Variants in REPS1 observed in about 807,000 individuals in gnomAD.
REPS1 encodes ralBP1-associated Eps domain-containing protein 1.
Under a neutral mutation model 100.9 loss-of-function variants are expected in REPS1, and 39 were observed. The observed-to-expected ratio is 0.39, with a 90% CI of 0.30 to 0.50. The LOEUF (loss-of-function observed/expected upper bound fraction) is 0.50. REPS1 is among the 20% of genes least tolerant of loss of function. The pLI is 0.86. For synonymous variants in REPS1, 324 were observed against 340.3 expected (o/e 0.95, Z 0.53); for missense variants, 821 against 968.5 (o/e 0.85, Z 2.02).
At chr6:138,909,651 G>A (rs1027495328) in intron 17 of REPS1, among the ~76,000 whole-genome samples, 1 of 151,856 alleles carries the variant, frequency 6.6e-6, no homozygotes, top group Non-Finnish European at 1.5e-5. Flanking sequence ...TTATGAGAGT[G>A]AGGGAGTTCT....
chr6:138,969,361 G>A (rs1187739024), intron 1 of REPS1, among the ~76,000 whole-genome samples: 5 of 140,216 alleles, frequency 3.6e-5, no homozygotes, highest in South Asian at 2.3e-4. Flanking sequence ...GTGCAATCTC[G>A]GCTCACTGCA....
chr6:138,904,806 A>G lies in REPS1; in HGVS notation c.*258T>C, dbSNP rs1396827004. 1.2e-5 allele frequency: 4 copies of G among 336,000 alleles called. No homozygotes were observed. In the East Asian group the frequency reaches 1.6e-4, roughly 13 times the overall value. The allele number at this position is 336,000 out of a possible 1,614,324, so 20.8% of individuals were successfully genotyped here. On this transcript the variant is annotated 3_prime_UTR_variant, in exon 20 of 20. Coordinates refer to ENST00000450536, the MANE Select transcript of REPS1 (RefSeq NM_001286611.2). ...GGTATTAGCCATAGAAGCATTGCAT[A>G]TCCCAGATGCTAGGGAACAGAAAAG...
intron 11 of REPS1, 71 bp from the exon 12 acceptor site, chr6:138,920,387 T>TGTAA: frequency 1.5e-6 from 1 of 662,944 alleles, no homozygotes; most frequent in Non-Finnish European, 2.6e-6. Context: ...AAGCTCAGAG[T>TGTAA]GTAAGACTTC....
At chr6:138,913,162 T>C (rs966768925) in intron 15 of REPS1, among the ~76,000 whole-genome samples, 3 of 152,098 alleles carry the variant, frequency 2.0e-5, no homozygotes, top group Admixed American at 6.5e-5. Context: ...ATTAAGATGA[T>C]AAACCTCCAA....
chr6:138,939,550 G>T (rs1223706123), intron 8 of REPS1, among the ~76,000 whole-genome samples: 2 of 152,130 alleles, frequency 1.3e-5, no homozygotes, highest in Non-Finnish European at 1.5e-5. Flanking sequence ...ACAGACGACA[G>T]AATCAGACAA....
At chr6:138,952,898 C>T (rs1326653649) in intron 1 of REPS1, among the ~76,000 whole-genome samples, 7 of 151,038 alleles carry the variant, frequency 4.6e-5, no homozygotes, top group African/African-American at 1.7e-4. Flanking sequence ...AGTGCAATGG[C>T]ACAATCTCGG....
At chr6:138,955,067 C>T (rs1783285808) in intron 1 of REPS1, among the ~76,000 whole-genome samples, 1 of 152,130 alleles carries the variant, frequency 6.6e-6, no homozygotes, top group South Asian at 2.1e-4. Flanking sequence ...TGTTCTATTA[C>T]AAATAATATT....
chr6:138,913,036 G>A (rs1780116442), intron 15 of REPS1, 86 bp from the exon 16 acceptor site: 2 of 1,083,592 alleles, frequency 1.8e-6, no homozygotes, highest in East Asian at 5.1e-5. Context: ...CGAAAACTTA[G>A]TATATAAAGA....
chr6:138,951,304 A>G (rs1783022791), intron 1 of REPS1: 1 of 152,212 alleles, frequency 6.6e-6, no homozygotes, highest in African/African-American at 2.4e-5. Context: ...TAATTTTATC[A>G]TATGCAGATT....
rs1453031176 is a variant in REPS1, at chr6:138,947,845, T to C, written c.222A>G (p.Lys74=). The C allele has an allele frequency of 6.2e-7, 1 of 1,611,370 alleles. No individual in the cohort carries two copies. Among genetic ancestry groups the C allele is most frequent in the Non-Finnish European group, 8.5e-7 (1 of 1,178,854 alleles). Residue 74 remains lysine, a synonymous_variant, in exon 2 of 20, where the codon AAA becomes AAG. Transcript: ENST00000450536. ...FGRSQFYIAL[K]LVAVAQSGFP... ...AACCAGACTGGGCAACAGCTACAAG[T>C]TTCAAAGCAATGTAGAACTGACTTC...
At chr6:138,947,035 G>GCTCTCTCGCTCTCT (rs1782663983) in intron 2 of REPS1, among the ~76,000 whole-genome samples, 1 of 137,636 alleles carries the variant, frequency 7.3e-6, no homozygotes, top group African/African-American at 2.8e-5. Flanking sequence ...ATTCCCCCTT[G>GCTCTCTCGCTCTCT]CTCTCTCTCT....
chr6:138,917,956 T>A (rs1780511134), intron 12 of REPS1, among the ~76,000 whole-genome samples: 1 of 152,186 alleles, frequency 6.6e-6, no homozygotes, highest in South Asian at 2.1e-4. Context: ...GTTCCACAGC[T>A]GAGGATTCAA....
intron 1 of REPS1, 92 bp downstream of exon 1, chr6:138,987,438 G>A (rs1380284525): frequency 7.0e-6 from 9 of 1,293,572 alleles, no homozygotes; most frequent in Middle Eastern, 5.5e-4. Flanking sequence ...CCAGCCCCCC[G>A]CCGGGCCCCA....
chr6:138,925,559 T>C (rs1781057059), intron 10 of REPS1, among the ~76,000 whole-genome samples: 2 of 152,136 alleles, frequency 1.3e-5, no homozygotes, highest in South Asian at 2.1e-4. Context: ...CATATCTTTC[T>C]ACTCAGCTCA....
chr6:138,907,106 T>G (rs1779700701), intron 19 of REPS1, among the ~76,000 whole-genome samples: 1 of 152,142 alleles, frequency 6.6e-6, no homozygotes, highest in Non-Finnish European at 1.5e-5. Context: ...TGACTGAAAT[T>G]GCTGCCACTT....
chr6:138,970,537 T>C (rs1464234217), intron 1 of REPS1, among the ~76,000 whole-genome samples: 11 of 151,938 alleles, frequency 7.2e-5, no homozygotes, highest in African/African-American at 2.7e-4. Context: ...CCCAGCACTT[T>C]GGGAGGCCAA....
At chr6:138,929,874 T>C in intron 9 of REPS1, 103 bp downstream of exon 9, 1 of 1,100,888 alleles carries the variant, frequency 9.1e-7, no homozygotes, top group Non-Finnish European at 1.3e-6. Context: ...GTTCTCTCAA[T>C]TATGCATGCA....
At chr6:138,951,634 T>C (rs1372264372) in intron 1 of REPS1, among the ~76,000 whole-genome samples, 1 of 152,234 alleles carries the variant, frequency 6.6e-6, no homozygotes, top group East Asian at 1.9e-4. Flanking sequence ...CTCTCTGCTC[T>C]GTAATACTTT....
intron 1 of REPS1, among the ~76,000 whole-genome samples, chr6:138,972,038 T>C (rs1186304960): frequency 6.6e-6 from 1 of 152,154 alleles, no homozygotes; most frequent in Non-Finnish European, 1.5e-5. Flanking sequence ...TGCTGGGATA[T>C]AGAGATACTG....
Sources: gnomAD v4.1 joint callset for allele counts (sites outside exome capture counted in the v4.1 genomes callset) on GRCh38, gnomAD v4.1.1 for gene constraint, MANE v1.5 for transcripts, NCBI Gene and HGNC (gene_info 2026-07-23, HGNC 2026-07-21) for gene names.